Variants in ZNF536 observed in about 807,000 individuals in gnomAD.
The protein encoded by ZNF536 is zinc finger protein 536.
ZNF536 carries 13 observed loss-of-function variants against 84.5 expected under a neutral mutation model. That is an observed-to-expected ratio of 0.15 (90% CI 0.10 to 0.24). The LOEUF (loss-of-function observed/expected upper bound fraction) is 0.24, where lower values mean the gene tolerates loss of function less well. ZNF536 is among the 10% of genes least tolerant of loss of function. ZNF536 has a pLI of 1.00. For synonymous variants in ZNF536, 811 were observed against 742.5 expected (o/e 1.09, Z -1.50); for missense variants, 1,536 against 1,747.5 (o/e 0.88, Z 2.16).
intron 2 of ZNF536, among the ~76,000 whole-genome samples, chr19:30,351,765 G>A (rs2047937469): frequency 6.6e-6 from 1 of 152,200 alleles, no homozygotes. Context: ...AAATATTGTT[G>A]TACAGATGAT....
chr19:30,595,185 A>T (rs1234879057), intron 1 of ZNF536, among the ~76,000 whole-genome samples: 1 of 152,116 alleles, frequency 6.6e-6, no homozygotes, highest in East Asian at 1.9e-4. Flanking sequence ...CTGTGATTGG[A>T]GACCTTCGTT....
At chr19:30,471,165 T>C (rs1033047128) in intron 2 of ZNF536, among the ~76,000 whole-genome samples, 2 of 152,094 alleles carry the variant, frequency 1.3e-5, no homozygotes, top group East Asian at 1.9e-4. Flanking sequence ...ACTGGAGTTA[T>C]GGGAGGAAGT....
At chr19:30,457,633 T>C (rs941479137) in intron 2 of ZNF536, among the ~76,000 whole-genome samples, 2 of 152,222 alleles carry the variant, frequency 1.3e-5, no homozygotes, top group Admixed American at 6.5e-5. Flanking sequence ...CTCCAGCTCA[T>C]GGCCCCCTGA....
chr19:30,295,947 TAA>T (rs1174573953), intron 2 of ZNF536, among the ~76,000 whole-genome samples: 1 of 152,160 alleles, frequency 6.6e-6, no homozygotes, highest in Admixed American at 6.5e-5. Context: ...CTCTTGCATA[TAA>T]GAGTTCACAC....
chr19:30,335,403 A>T (rs986971229), intron 2 of ZNF536, among the ~76,000 whole-genome samples: 2 of 152,158 alleles, frequency 1.3e-5, no homozygotes, highest in Non-Finnish European at 2.9e-5. Context: ...AGCCTGGTAC[A>T]CATCCCATCC....
intron 1 of ZNF536, among the ~76,000 whole-genome samples, chr19:30,639,139 T>C (rs2049175267): frequency 6.6e-6 from 1 of 152,220 alleles, no homozygotes; most frequent in Non-Finnish European, 1.5e-5. Context: ...GTGTTCCTGG[T>C]AATTTTTATC....
At chr19:30,632,614 CCAAT>C (rs1350706491) in intron 1 of ZNF536, among the ~76,000 whole-genome samples, 1 of 145,094 alleles carries the variant, frequency 6.9e-6, no homozygotes, top group Non-Finnish European at 1.5e-5. Flanking sequence ...TCAAAACCAA[CCAAT>C]CAACCAACCA....
chr19:30,275,733 C>T (rs1281583460), intron 1 of ZNF536, among the ~76,000 whole-genome samples: 2 of 152,126 alleles, frequency 1.3e-5, no homozygotes, highest in African/African-American at 4.8e-5. Flanking sequence ...GATTGCGTGT[C>T]AATGCTTGGA....
At chr19:30,702,077 C>T (rs1365314619) in intron 1 of ZNF536, among the ~76,000 whole-genome samples, 4 of 152,208 alleles carry the variant, frequency 2.6e-5, no homozygotes, top group Non-Finnish European at 4.4e-5. Flanking sequence ...CCCTCTCTTC[C>T]ACAAAGCCAG....
At chr19:30,438,031 C>A (rs984080325) in intron 1 of ZNF536, among the ~76,000 whole-genome samples, 12 of 152,098 alleles carry the variant, frequency 7.9e-5, no homozygotes, top group Admixed American at 5.9e-4. Flanking sequence ...TATTCAAAGT[C>A]CTGACTGCCC....
chr19:30,417,578 A>G (rs1452040452), intron 1 of ZNF536, among the ~76,000 whole-genome samples: 3 of 152,200 alleles, frequency 2.0e-5, no homozygotes, highest in South Asian at 2.1e-4. Flanking sequence ...AAAAAAGGAT[A>G]AAGTTTTCTT....
At chr19:30,480,778 G>A (rs920767147) in intron 2 of ZNF536, among the ~76,000 whole-genome samples, 5 of 152,184 alleles carry the variant, frequency 3.3e-5, no homozygotes, top group African/African-American at 1.2e-4. Context: ...GCTCATGCCT[G>A]TAATCCCACC....
intron 1 of ZNF536, among the ~76,000 whole-genome samples, chr19:30,414,117 T>G (rs1291873252): frequency 8.6e-6 from 1 of 116,908 alleles, no homozygotes; most frequent in Non-Finnish European, 1.8e-5. Flanking sequence ...AAAAAAAAGT[T>G]TCCCTGTACC....
intron 1 of ZNF536, among the ~76,000 whole-genome samples, chr19:30,596,367 C>T (rs532814174): frequency 2.0e-5 from 3 of 152,154 alleles, no homozygotes; most frequent in African/African-American, 4.8e-5. Context: ...ATGTATGTAT[C>T]GTGGCTTTTA....
At chr19:30,429,497 C>T (rs116336597) in intron 1 of ZNF536, among the ~76,000 whole-genome samples, 91 of 152,224 alleles carry the variant, frequency 6.0e-4, no homozygotes, top group African/African-American at 2.1e-3. Flanking sequence ...AGTGTCACCC[C>T]GCATCGTCAG....
At chr19:30,566,495 G>T (rs779477707) in intron 1 of ZNF536, among the ~76,000 whole-genome samples, 1 of 152,250 alleles carries the variant, frequency 6.6e-6, no homozygotes, top group Non-Finnish European at 1.5e-5. Flanking sequence ...TGTGGATGGA[G>T]TATTTATTAT....
intron 1 of ZNF536, among the ~76,000 whole-genome samples, chr19:30,707,178 G>A (rs2052277069): frequency 6.6e-6 from 1 of 152,062 alleles, no homozygotes; most frequent in Non-Finnish European, 1.5e-5. Context: ...GATCTACTTG[G>A]AACTCACTCA....
At chr19:30,568,053 T>C (rs979826868) in intron 1 of ZNF536, among the ~76,000 whole-genome samples, 2 of 152,228 alleles carry the variant, frequency 1.3e-5, no homozygotes, top group Non-Finnish European at 2.9e-5. Context: ...ATGGTGCCTG[T>C]ACCAGTCTGA....
At chr19:30,534,121 T>C (rs2044972740) in intron 2 of ZNF536, among the ~76,000 whole-genome samples, 1 of 152,242 alleles carries the variant, frequency 6.6e-6, no homozygotes, top group Admixed American at 6.5e-5. Context: ...GTATCGATAC[T>C]TGACAGAGGA....
Sources: gnomAD v4.1 joint callset for allele counts (sites outside exome capture counted in the v4.1 genomes callset) on GRCh38, gnomAD v4.1.1 for gene constraint, MANE v1.5 for transcripts, NCBI Gene and HGNC (gene_info 2026-07-23, HGNC 2026-07-21) for gene names.